ZNF346: variants seen among roughly 807,000 people sequenced by gnomAD.
The protein encoded by ZNF346 is double-stranded RNA-binding zinc finger protein JAZ.
In ZNF346, 23 loss-of-function variants were observed where a neutral mutation model predicts 33.7. The ratio of observed to expected loss-of-function variants is 0.68; its 90% confidence interval spans 0.49 to 0.97. ZNF346 has a LOEUF of 0.97. Ranked by LOEUF, ZNF346 falls within the 50% of genes least tolerant of loss-of-function variation. The probability of loss-of-function intolerance (pLI) is 0.00; values close to 1 mark genes in which losing one functional copy is unlikely to be tolerated. For missense variants in ZNF346, 340 were observed against 371.1 expected (o/e 0.92, Z 0.69); for synonymous variants, 134 against 142.4 (o/e 0.94, Z 0.42).
At chr5:177,027,426 A>T (rs1172086977) in intron 1 of ZNF346, among the ~76,000 whole-genome samples, 1 of 151,790 alleles carries the variant, frequency 6.6e-6, no homozygotes, top group East Asian at 2.0e-4. Context: ...GTTTTTGTAA[A>T]AATACAAACA....
At chr5:177,068,030 A>G (rs966012080), downstream of ZNF346, among the ~76,000 whole-genome samples, 1 of 152,192 alleles carries the variant, frequency 6.6e-6, no homozygotes, top group Non-Finnish European at 1.5e-5. Context: ...TCTTGCCTCT[A>G]AGAAATGACA....
At chr5:177,044,851 C>T (rs560283618) in intron 4 of ZNF346, among the ~76,000 whole-genome samples, 1 of 152,276 alleles carries the variant, frequency 6.6e-6, no homozygotes, top group South Asian at 2.1e-4. Flanking sequence ...CCTACCTCTC[C>T]CACTAGATTT....
At position 177,073,046 on chromosome 5, in the gene ZNF346, C is replaced by T. The variant is rs114435938; in HGVS notation, c.*3-6336C>T. On this transcript the variant is annotated intron_variant, in intron 8 of 8. Transcript: ENST00000503039. The stretch of plus-strand genomic sequence containing the variant: ...GGCCAAGTTGGCTGCCCTTTGTGTT[C>T]CCAGATGCCCTGTGTTCCCCTCTAG... Among the ~76,000 whole-genome samples the T allele has an allele frequency of 5.8e-4, 88 of 152,314 alleles. 1 individual carries two copies. The highest frequency in any genetic ancestry group is 2.0e-3 in the African/African-American group (83 of 41,564).
intron 4 of ZNF346, among the ~76,000 whole-genome samples, chr5:177,046,192 T>C (rs531481894): frequency 6.6e-6 from 1 of 152,002 alleles, no homozygotes; most frequent in East Asian, 1.9e-4. Context: ...TCCCAGCTTC[T>C]TGGGAGACTG....
downstream of ZNF346, among the ~76,000 whole-genome samples, chr5:177,071,678 C>CT (rs1783510917): frequency 1.9e-5 from 2 of 105,846 alleles, no homozygotes; most frequent in African/African-American, 1.1e-4. Flanking sequence ...GAGCGAGACT[C>CT]TGTCTCAAAA....
intron 6 of ZNF346, among the ~76,000 whole-genome samples, 171 bp downstream of exon 6, chr5:177,062,322 C>T (rs147996682): frequency 0.012 from 1,756 of 152,272 alleles, 11 homozygotes; most frequent in South Asian, 0.025. Context: ...TGTATTTCTC[C>T]ACCAGCTTCT....
At position 177,064,536 on chromosome 5, in the gene ZNF346, C is replaced by G; in HGVS notation, c.822C>G (p.Ser274=). 1 of 1,614,202 alleles carries G rather than the reference C, an allele frequency of 6.2e-7. No homozygotes were observed. The highest frequency in any genetic ancestry group is 8.5e-7 in the Non-Finnish European group (1 of 1,180,010). ...KNQSPKTVAS[S]LGQIPMQRQP... ...GGTCACCAAAAACAGTGGCATCATC[C>G]CTGGGCCAGATTCCAATGCAAAGGC... The change falls in exon 7 of 7, where the codon TCC becomes TCG. Residue 274 remains serine (S), a synonymous_variant. Transcript: ENST00000358149.
intron 4 of ZNF346, among the ~76,000 whole-genome samples, chr5:177,050,262 T>G (rs1780673854): frequency 6.6e-6 from 1 of 152,254 alleles, no homozygotes; most frequent in Non-Finnish European, 1.5e-5. Flanking sequence ...CCTCAATTTC[T>G]GTATCTGTGC....
rs80190999 is a variant in ZNF346 at position 177,037,645 on chromosome 5, C to T, written c.176-3481C>T. Among the ~76,000 whole-genome samples, 630 of 152,268 alleles carry T rather than the reference C, an allele frequency of 4.1e-3. 8 individuals are homozygous for T. Among genetic ancestry groups the T allele is most frequent in the African/African-American group, 0.014 (584 of 41,550 alleles). Reference sequence around the variant, plus strand: ...TAATTCCAAATTCATTCACTTTTCTCCATCTCCACTGACAACCTGCCTAGT... The same window carrying T: ...TAATTCCAAATTCATTCACTTTTCTTCATCTCCACTGACAACCTGCCTAGT... On this transcript the variant is annotated intron_variant, in intron 1 of 6. Coordinates refer to ENST00000358149, the MANE Select transcript of ZNF346 (RefSeq NM_012279.4).
At chr5:177,060,925 A>G (rs1782430821) in intron 5 of ZNF346, among the ~76,000 whole-genome samples, 1 of 152,046 alleles carries the variant, frequency 6.6e-6, no homozygotes, top group Admixed American at 6.5e-5. Context: ...CCTGGCTAAC[A>G]CAGTGAAACC....
At chr5:177,058,078 C>T (rs1781986013) in intron 5 of ZNF346, among the ~76,000 whole-genome samples, 1 of 151,666 alleles carries the variant, frequency 6.6e-6, no homozygotes, top group South Asian at 2.1e-4. Flanking sequence ...GCCTCAGCCT[C>T]CCAGAGTGCT....
At chr5:177,039,218 G>T (rs1313700395) in intron 1 of ZNF346, among the ~76,000 whole-genome samples, 1 of 151,844 alleles carries the variant, frequency 6.6e-6, no homozygotes, top group Non-Finnish European at 1.5e-5. Context: ...AAAAGTTCTG[G>T]GCCAATTTTG....
chr5:177,068,133 C>T (rs781398861), downstream of ZNF346, among the ~76,000 whole-genome samples: 1 of 122,342 alleles, frequency 8.2e-6, no homozygotes, highest in Non-Finnish European at 1.5e-5. Flanking sequence ...TGCAGCCTGC[C>T]TCACCCATCT....
intron 1 of ZNF346, among the ~76,000 whole-genome samples, chr5:177,028,707 C>CTTTTTTTTTTTT (rs56172509): frequency 1.5e-5 from 1 of 67,396 alleles, no homozygotes; most frequent in Non-Finnish European, 2.9e-5. Flanking sequence ...AAGCCCCTTT[C>CTTTTTTTTTTTT]TTTTTTTTTT....
At chr5:177,044,825 T>C (rs1779821622) in intron 4 of ZNF346, among the ~76,000 whole-genome samples, 1 of 152,216 alleles carries the variant, frequency 6.6e-6, no homozygotes, top group Admixed American at 6.5e-5. Flanking sequence ...ACGCATACCA[T>C]GAGAGCATTC....
chr5:177,027,587 A>C (rs1776979753), intron 1 of ZNF346, among the ~76,000 whole-genome samples: 1 of 100,852 alleles, frequency 9.9e-6, no homozygotes, highest in Non-Finnish European at 1.8e-5. Flanking sequence ...ACTTTGTCTC[A>C]AAAAAAAAAA....
At chr5:177,073,449 G>A (rs527984918) in intron 8 of ZNF346, among the ~76,000 whole-genome samples, 57 of 152,098 alleles carry the variant, frequency 3.7e-4, no homozygotes, top group African/African-American at 1.1e-3. Flanking sequence ...GACTACAGGC[G>A]CACACCACCA....
In ZNF346 at chr5:177,028,496, T is replaced by TA. The variant is rs1554142623; in HGVS notation, c.175+5583_175+5584insA. On this transcript the variant is annotated intron_variant, in intron 1 of 6. Transcript: ENST00000358149. ...TTCTCTCTTAAGCACTTGTGACGTTTTATATATATATATATATATATATAT... is the reference window on the plus strand; with the variant it reads ...TTCTCTCTTAAGCACTTGTGACGTTTATATATATATATATATATATATATAT... Among the ~76,000 whole-genome samples, 214 of 90,496 alleles carry TA rather than the reference T, an allele frequency of 2.4e-3. 17 individuals carry two copies. The highest frequency in any genetic ancestry group is 0.012 in the African/African-American group (200 of 17,132). 59.4% of individuals were successfully genotyped at this position (90,496 alleles called of 152,430 possible). A position where few individuals can be genotyped will look rare whatever the true frequency, so the allele number is the denominator to read the frequency against.
At chr5:177,027,770 C>CA (rs1487982649) in intron 1 of ZNF346, among the ~76,000 whole-genome samples, 2 of 150,912 alleles carry the variant, frequency 1.3e-5, no homozygotes, top group East Asian at 3.9e-4. Context: ...CCTTCAAACT[C>CA]AAAGCTAGGA....
Sources: allele counts gnomAD v4.1 joint callset (sites outside exome capture counted in the v4.1 genomes callset), GRCh38; gene constraint gnomAD v4.1.1; transcripts MANE v1.5; gene names NCBI Gene and HGNC (gene_info 2026-07-23, HGNC 2026-07-21).